Variants in GPR137 observed in about 807,000 individuals in gnomAD.
GPR137 encodes integral membrane protein GPR137.
A neutral mutation model predicts 38.9 loss-of-function variants in GPR137; 20 were observed. The ratio of observed to expected loss-of-function variants is 0.51; its 90% confidence interval spans 0.36 to 0.75. GPR137 has a LOEUF of 0.75. Ranked by LOEUF, GPR137 falls within the 30% of genes least tolerant of loss-of-function variation. GPR137 has a pLI of 0.00. For synonymous variants in GPR137, 226 were observed against 235.8 expected, an observed-to-expected ratio of 0.96 and a Z score of 0.38; for missense variants, 456 against 526.4, an observed-to-expected ratio of 0.87 and a Z score of 1.31.
At chr11:64,285,664 G>C, upstream of GPR137, 1 of 985,040 alleles carries the variant, frequency 1.0e-6, no homozygotes, top group Non-Finnish European at 1.2e-6. Flanking sequence ...ATGCGGCACG[G>C]CCCCCGCAAC....
chr11:64,279,233 C>T (rs2033264888), intron 2 of GPR137, among the ~76,000 whole-genome samples: 3 of 152,202 alleles, frequency 2.0e-5, no homozygotes, highest in Admixed American at 2.0e-4. Context: ...CACCAGCTGA[C>T]CCAACCTGTG....
At chr11:64,284,844 T>A, upstream of GPR137, 2 of 1,493,602 alleles carry the variant, frequency 1.3e-6, no homozygotes, top group Non-Finnish European at 1.8e-6. Context: ...TCCTTTTTCC[T>A]CCCTCCTTCG....
intron 2 of GPR137, chr11:64,276,612 C>T: frequency 3.4e-6 from 1 of 295,498 alleles, no homozygotes. Flanking sequence ...CAGGCGTGAG[C>T]CACGGTGCCC....
chr11:64,288,995 C>T lies in GPR137; in HGVS notation c.1032-42C>T. 6.7e-7 allele frequency: 1 copy of T among 1,483,956 alleles called. No homozygotes were observed. The highest frequency in any genetic ancestry group is 1.3e-5 in the South Asian group (1 of 74,908). The allele number at this position is 1,483,956 out of a possible 1,614,324, so 91.9% of individuals were successfully genotyped here. On this transcript the variant is annotated intron_variant, in intron 6 of 6. Transcript: ENST00000438980. The surrounding 1 kb of genome is among the most constrained non-coding windows in gnomAD (Gnocchi z 5.5). ...CTCCTGCAGCTCTTGTGACTGTGGC[C>T]CTGGTCACTGTCCTGAGACTGACCC...
Position 64,289,491 on chromosome 11 carries a change from C to T in GPR137, c.*295C>T. The T allele has an allele frequency of 7.2e-7, 1 of 1,383,522 alleles. No homozygotes were observed. Among genetic ancestry groups the T allele is most frequent in the Non-Finnish European group, 9.6e-7 (1 of 1,041,612 alleles). The allele number at this position is 1,383,522 out of a possible 1,614,324, so 85.7% of individuals were successfully genotyped here. A position where few individuals can be genotyped will look rare whatever the true frequency, so the allele number is the denominator to read the frequency against. On this transcript the variant is annotated 3_prime_UTR_variant, in exon 7 of 7. Transcript: ENST00000438980. ...CACTCAATAAACAGTGTCTGCGCCC[C>T]ACAGTTGTGCACCTGTCTGTCATCT...
chr11:64,286,778 C>G lies in GPR137; in HGVS notation c.254C>G (p.Pro85Arg). 1.2e-6 allele frequency: 2 copies of G among 1,610,238 alleles called. No individual in the cohort carries two copies. The highest frequency in any genetic ancestry group is 1.7e-6 in the Non-Finnish European group (2 of 1,177,590). ...TLFSFYFRDTPRANRLGPLPF... is the reference protein window; with the variant it reads ...TLFSFYFRDTRRANRLGPLPF... Reference sequence around the variant, plus strand: ...TTCTCCTTCTACTTCCGAGATACTCCCCGCGCCAACCGCCTGGGGCCCTTG... The same window carrying G: ...TTCTCCTTCTACTTCCGAGATACTCGCCGCGCCAACCGCCTGGGGCCCTTG... Residue 85 changes from proline to arginine, a missense_variant, in exon 1 of 7, where the codon CCC (proline) becomes CGC (arginine). By Grantham distance (103) the Pro-to-Arg change is moderately radical. Coordinates refer to ENST00000438980, the MANE Select transcript of GPR137 (RefSeq NM_001170880.2).
chr11:64,273,395 A>T (rs2032787204), upstream of GPR137, among the ~76,000 whole-genome samples: 1 of 152,116 alleles, frequency 6.6e-6, no homozygotes, highest in Non-Finnish European at 1.5e-5. Flanking sequence ...TAATAACAAA[A>T]GAAAAAAGAA....
chr11:64,285,337 C>G (rs558970542), upstream of GPR137: 1 of 985,296 alleles, frequency 1.0e-6, no homozygotes, highest in South Asian at 4.7e-5. Context: ...GAGGGAGGAC[C>G]GTAGGGCCCG....
upstream of GPR137, chr11:64,284,737 C>T (rs900737074): frequency 6.5e-7 from 1 of 1,535,692 alleles, no homozygotes; most frequent in Non-Finnish European, 8.7e-7. Flanking sequence ...GCGACCTGGC[C>T]CAATCACCTC....
At chr11:64,276,802 C>A in intron 2 of GPR137, 1 of 655,720 alleles carries the variant, frequency 1.5e-6, no homozygotes. Flanking sequence ...GGTGCCCAGG[C>A]CTGCCCACTC....
chr11:64,284,771 C>T (rs748639671), upstream of GPR137: 2 of 1,535,414 alleles, frequency 1.3e-6, no homozygotes, highest in Non-Finnish European at 1.7e-6. Flanking sequence ...CGGGTAGGTC[C>T]AGAGGCGGGG....
In GPR137 at chr11:64,275,826, A is replaced by G. The variant is rs897414353; in HGVS notation, c.-90+67A>G. 2.0e-5 allele frequency: 3 copies of G among 151,932 alleles called. No individual in the cohort carries two copies. In the South Asian group the frequency reaches 6.2e-4, roughly 32 times the overall value. The allele number at this position is 151,932 out of a possible 1,614,324, so 9.4% of individuals were successfully genotyped here. A position where few individuals can be genotyped will look rare whatever the true frequency, so the allele number is the denominator to read the frequency against. On this transcript the variant is annotated intron_variant, in intron 1 of 2. Coordinates refer to the GPR137 transcript ENST00000538244. ...CTTGCCCAGGGATCAGAACAAGCAG[A>G]AGACACTGGGCAGGTATGGTGGATG...
At chr11:64,284,277 G>C, upstream of GPR137, 7 of 1,611,736 alleles carry the variant, frequency 4.3e-6, no homozygotes, top group South Asian at 1.1e-5. Context: ...GGAGCCTGAG[G>C]GCCCGTCCCC....
chr11:64,286,747 A>G lies in GPR137; in HGVS notation c.223A>G (p.Thr75Ala), dbSNP rs1565358550. The G allele has an allele frequency of 6.2e-7, 1 of 1,612,066 alleles. No individual in the cohort carries two copies. The highest frequency in any genetic ancestry group is 1.7e-5 in the Admixed American group (1 of 59,872). ...TCTGCTCTGGGCCGCCTTGCGTACC[A>G]CCCTCTTCTCCTTCTACTTCCGAGA... ...LCLLWAALRT[T>A]LFSFYFRDTP... The change falls in exon 1 of 7, where the codon ACC (threonine) becomes GCC (alanine). Residue 75 changes from threonine (T) to alanine (A), a missense_variant. Transcript: ENST00000438980.
At position 64,286,051 on chromosome 11, in the gene GPR137, GGA is replaced by G. The variant is rs1050698253; in HGVS notation, c.-466_-465del. 4 of 988,486 alleles carry G rather than the reference GGA, an allele frequency of 4.0e-6. No individual in the cohort carries two copies. The highest frequency in any genetic ancestry group is 3.6e-6 in the Non-Finnish European group (3 of 831,940). The allele number at this position is 988,486 out of a possible 1,614,324, so 61.2% of individuals were successfully genotyped here. A position where few individuals can be genotyped will look rare whatever the true frequency, so the allele number is the denominator to read the frequency against. ...GGCCCTCCCCATCCGCATTATTGGAGGAGAGAGAGCCTCCCCCAGCTTGGGGA... is the reference window on the plus strand; with the variant it reads ...GGCCCTCCCCATCCGCATTATTGGAGGAGAGAGCCTCCCCCAGCTTGGGGA... On this transcript the variant is annotated 5_prime_UTR_variant, in exon 1 of 7. Transcript: ENST00000438980.
upstream of GPR137, among the ~76,000 whole-genome samples, chr11:64,283,837 G>A (rs1441661579): frequency 2.6e-5 from 4 of 152,004 alleles, no homozygotes; most frequent in East Asian, 7.8e-4. Flanking sequence ...GTCTCCCTAA[G>A]TCACTCAGGC....
chr11:64,272,717 G>C (rs1382632381), upstream of GPR137: 1 of 152,246 alleles, frequency 6.6e-6, no homozygotes, highest in Non-Finnish European at 1.5e-5. Context: ...GTTAAGACTT[G>C]CCCAGTTTCT....
upstream of GPR137, among the ~76,000 whole-genome samples, chr11:64,274,996 A>G (rs2032950563): frequency 6.7e-6 from 1 of 148,270 alleles, no homozygotes; most frequent in Non-Finnish European, 1.5e-5. Context: ...TTGTCTCAAA[A>G]AAAAAAAAAA....
At chr11:64,285,810 C>G (rs1229287399), upstream of GPR137, 1 of 985,280 alleles carries the variant, frequency 1.0e-6, no homozygotes, top group South Asian at 4.7e-5. Flanking sequence ...ATTTGCGTAG[C>G]GAACGGCGCC....
Sources: gnomAD v4.1 joint callset for allele counts (sites outside exome capture counted in the v4.1 genomes callset) on GRCh38, gnomAD v4.1.1 for gene constraint, Gnocchi (gnomAD v3.1) non-coding constraint, MANE v1.5 for transcripts, NCBI Gene and HGNC (gene_info 2026-07-23, HGNC 2026-07-21) for gene names.